LIN28B: variants seen among roughly 807,000 people sequenced by gnomAD.
LIN28B encodes the protein lin-28 RNA binding posttranscriptional regulator B.
A neutral mutation model predicts 21.9 loss-of-function variants in LIN28B; 5 were observed. That is an observed-to-expected ratio of 0.23 (90% confidence interval 0.12 to 0.48). The LOEUF (loss-of-function observed/expected upper bound fraction) is 0.48, where lower values mean the gene tolerates loss of function less well. LIN28B is among the 20% of genes least tolerant of loss of function. The pLI, the probability that LIN28B is intolerant of heterozygous loss-of-function variation, is 0.98. For missense variants in LIN28B, 245 were observed against 310.5 expected, an observed-to-expected ratio of 0.79 and a Z score of 1.58; for synonymous variants, 109 against 111.3, an observed-to-expected ratio of 0.98 and a Z score of 0.13.
intron 3 of LIN28B, among the ~76,000 whole-genome samples, chr6:105,064,880 C>A (rs1208794557): frequency 6.6e-6 from 1 of 152,128 alleles, no homozygotes; most frequent in Non-Finnish European, 1.5e-5. Flanking sequence ...GAGATGAAAA[C>A]TCATCATTCA....
chr6:105,015,203 G>A (rs944993671), intron 2 of LIN28B, among the ~76,000 whole-genome samples: 1 of 152,050 alleles, frequency 6.6e-6, no homozygotes, highest in Non-Finnish European at 1.5e-5. Context: ...GCATCTCAAA[G>A]CTCTGTTACT....
intron 2 of LIN28B, among the ~76,000 whole-genome samples, chr6:105,008,372 C>A (rs1020267438): frequency 6.6e-6 from 1 of 151,960 alleles, no homozygotes; most frequent in Non-Finnish European, 1.5e-5. Context: ...AGGCTGGGCG[C>A]GGTGGCTCAC....
At chr6:105,059,191 T>TTGTG (rs1359291854) in intron 3 of LIN28B, among the ~76,000 whole-genome samples, 4 of 150,818 alleles carry the variant, frequency 2.7e-5, no homozygotes, top group Admixed American at 6.7e-5. Flanking sequence ...AAACTGTATG[T>TTGTG]TGTGTGTGTG....
In LIN28B at chr6:105,083,295, T is replaced by A. The variant is rs1772572204; in HGVS notation, c.*4512T>A. 1.3e-5 allele frequency: 2 copies of A among 152,406 alleles called. No individual in the cohort carries two copies. The highest frequency in any genetic ancestry group is 4.8e-5 in the African/African-American group (2 of 41,596). 9.4% of individuals were successfully genotyped at this position (152,406 alleles called of 1,614,324 possible). A position where few individuals can be genotyped will look rare whatever the true frequency, so the allele number is the denominator to read the frequency against. The stretch of plus-strand genomic sequence containing the variant: ...TGGATATGTTGAGGTTTAAAAAAAT[T>A]ACTTGATTAAAAATAAAACATATAA... On this transcript the variant is annotated 3_prime_UTR_variant, in exon 4 of 4. Transcript: ENST00000345080.
intron 3 of LIN28B, among the ~76,000 whole-genome samples, chr6:105,068,748 CTTCCTT>C: frequency 6.6e-6 from 1 of 152,296 alleles, no homozygotes; most frequent in South Asian, 2.1e-4. Context: ...CTTTTATGGA[CTTCCTT>C]TTCTTTAGGT....
chr6:104,987,403 A>G (rs182769653), intron 2 of LIN28B, among the ~76,000 whole-genome samples: 44 of 152,284 alleles, frequency 2.9e-4, no homozygotes, highest in Non-Finnish European at 5.1e-4. Flanking sequence ...TCAATCACTC[A>G]GGCTGGAATG....
chr6:105,012,293 C>A (rs1380925844), intron 2 of LIN28B, among the ~76,000 whole-genome samples: 1 of 151,810 alleles, frequency 6.6e-6, no homozygotes, highest in Non-Finnish European at 1.5e-5. Flanking sequence ...AATGGTGAAA[C>A]CCTGTCTCTA....
At chr6:104,941,264 G>A (rs1424225372) in intron 2 of LIN28B, 1 of 152,252 alleles carries the variant, frequency 6.6e-6, no homozygotes. Context: ...CGCCGGCCCT[G>A]ATTTATTGCC....
intron 1 of LIN28B, 59 bp from the exon 2 acceptor site, chr6:104,958,040 T>C (rs1778315662): frequency 8.3e-7 from 1 of 1,202,664 alleles, no homozygotes; most frequent in Non-Finnish European, 1.1e-6. Context: ...TTTTTTTTAA[T>C]CTTTGAATGC....
At chr6:105,070,911 C>A (rs1772321888) in intron 3 of LIN28B, among the ~76,000 whole-genome samples, 1 of 152,154 alleles carries the variant, frequency 6.6e-6, no homozygotes, top group African/African-American at 2.4e-5. Flanking sequence ...GAGTCTTGCT[C>A]TGTCACCCAG....
chr6:104,951,432 A>C (rs905588498), intron 3 of LIN28B, among the ~76,000 whole-genome samples: 1 of 152,088 alleles, frequency 6.6e-6, no homozygotes, highest in Non-Finnish European at 1.5e-5. Flanking sequence ...CATAGGGGTG[A>C]TACTCTAATA....
At chr6:104,954,952 T>A (rs1235024558), upstream of LIN28B, among the ~76,000 whole-genome samples, 2 of 152,244 alleles carry the variant, frequency 1.3e-5, no homozygotes, top group East Asian at 3.8e-4. Context: ...TAAATGAATA[T>A]TTTACAAAGC....
chr6:105,078,131 C>A (rs1274255200), intron 3 of LIN28B, among the ~76,000 whole-genome samples: 1 of 152,070 alleles, frequency 6.6e-6, no homozygotes, highest in Non-Finnish European at 1.5e-5. Flanking sequence ...GGAATCCTTT[C>A]TATATGGAAG....
At chr6:105,002,598 C>A (rs944398143) in intron 2 of LIN28B, among the ~76,000 whole-genome samples, 2 of 152,096 alleles carry the variant, frequency 1.3e-5, no homozygotes, top group East Asian at 3.8e-4. Flanking sequence ...TAGTAGCTAC[C>A]GTCTTGGACA....
At chr6:105,001,422 C>T (rs954893598) in intron 2 of LIN28B, among the ~76,000 whole-genome samples, 11 of 152,326 alleles carry the variant, frequency 7.2e-5, no homozygotes, top group Middle Eastern at 3.4e-3. Flanking sequence ...TTCTTATCTA[C>T]GACCTTGTGG....
At chr6:104,998,464 AT>A (rs1770657355) in intron 2 of LIN28B, among the ~76,000 whole-genome samples, 1 of 152,146 alleles carries the variant, frequency 6.6e-6, no homozygotes, top group African/African-American at 2.4e-5. Flanking sequence ...AATATAGACA[AT>A]AATAATTTGT....
intron 2 of LIN28B, among the ~76,000 whole-genome samples, chr6:104,997,289 AAAAAAAG>A (rs1770628370): frequency 6.6e-6 from 1 of 150,446 alleles, no homozygotes; most frequent in Non-Finnish European, 1.5e-5. Flanking sequence ...TCAAAAAAAA[AAAAAAAG>A]AAAAGAAAAA....
chr6:104,988,332 T>C (rs1168818167), intron 2 of LIN28B, among the ~76,000 whole-genome samples: 1 of 152,158 alleles, frequency 6.6e-6, no homozygotes, highest in African/African-American at 2.4e-5. Flanking sequence ...TCTGTTAATG[T>C]GGTAAATTGT....
intron 2 of LIN28B, among the ~76,000 whole-genome samples, chr6:104,963,993 G>C (rs1281386778): frequency 1.3e-5 from 2 of 152,122 alleles, no homozygotes; most frequent in Non-Finnish European, 2.9e-5. Context: ...TTTGTTATCT[G>C]CGTTCACCTT....
Sources: gnomAD v4.1 joint callset for allele counts (sites outside exome capture counted in the v4.1 genomes callset) on GRCh38, gnomAD v4.1.1 for gene constraint, MANE v1.5 for transcripts, NCBI Gene and HGNC (gene_info 2026-07-23, HGNC 2026-07-21) for gene names.